Variants in MYZAP observed in about 807,000 individuals in gnomAD.
MYZAP encodes myocardial zonula adherens protein.
In MYZAP, 66 loss-of-function variants were observed where a neutral mutation model predicts 69.4. The ratio of observed to expected loss-of-function variants is 0.95; its 90% CI spans 0.78 to 1.17. MYZAP has a LOEUF of 1.17. MYZAP is among the 50% of genes most tolerant of loss of function. MYZAP has a pLI of 0.00. For missense variants in MYZAP, 611 were observed against 556.2 expected, an observed-to-expected ratio of 1.10 and a Z score of -0.99; for synonymous variants, 256 against 205.9, an observed-to-expected ratio of 1.24 and a Z score of -2.09.
intron 10 of MYZAP, chr15:57,648,042 G>T (rs1332669352): frequency 1.0e-6 from 1 of 985,080 alleles, no homozygotes; most frequent in Non-Finnish European, 1.2e-6. Context: ...CTACTCAAAA[G>T]TTTGAGGCAG....
chr15:57,633,248 C>A (rs2036613705), intron 7 of MYZAP, among the ~76,000 whole-genome samples: 1 of 152,152 alleles, frequency 6.6e-6, no homozygotes, highest in Admixed American at 6.6e-5. Context: ...TCTGGGAATT[C>A]TGCATTCAAT....
At chr15:57,640,351 A>G (rs1175611207) in intron 10 of MYZAP, among the ~76,000 whole-genome samples, 1 of 152,210 alleles carries the variant, frequency 6.6e-6, no homozygotes, top group African/African-American at 2.4e-5. Flanking sequence ...AAAATCTGAT[A>G]GAAAAAGAGC....
At chr15:57,640,854 C>G (rs1302724489) in intron 10 of MYZAP, among the ~76,000 whole-genome samples, 1 of 152,216 alleles carries the variant, frequency 6.6e-6, no homozygotes, top group Non-Finnish European at 1.5e-5. Flanking sequence ...TCTTTGCAAT[C>G]GTTTTGTGCA....
rs763928814 is a variant in MYZAP, at chr15:57,604,302, C to T, written c.109C>T (p.Pro37Ser). 1.2e-6 allele frequency: 2 copies of T among 1,614,192 alleles called. No homozygotes were observed. Among genetic ancestry groups the T allele is most frequent in the South Asian group, 2.2e-5 (2 of 91,072 alleles). Residue 37 changes from proline (P) to serine (S), a missense_variant, in exon 2 of 13, where the codon CCT becomes TCT. Transcript: ENST00000267853. ...TTGCAGACTACGGCTGACCGTACCT[C>T]CTGAGAGTCCAGTTCCTGAGCAATG... ...NVCRLRLTVP[P>S]ESPVPEQCEK... is the part of the protein sequence containing the mutation.
chr15:57,649,738 G>A (rs1438475058), intron 10 of MYZAP, among the ~76,000 whole-genome samples: 1 of 152,226 alleles, frequency 6.6e-6, no homozygotes, highest in East Asian at 1.9e-4. Context: ...TGTGTGTCTT[G>A]TTTGATGTAA....
intron 2 of MYZAP, among the ~76,000 whole-genome samples, chr15:57,606,750 A>G (rs1452571651): frequency 2.0e-5 from 3 of 152,146 alleles, no homozygotes; most frequent in Admixed American, 2.0e-4. Context: ...AAAATAAAAG[A>G]TATACTGGGA....
intron 6 of MYZAP, 47 bp from the exon 7 acceptor site, chr15:57,632,385 TCC>T: frequency 6.2e-7 from 1 of 1,611,274 alleles, no homozygotes; most frequent in Non-Finnish European, 8.5e-7. Context: ...AGCTGCCAAT[TCC>T]TCTGGGCCCT....
chr15:57,625,370 A>G (rs898480307), intron 4 of MYZAP, among the ~76,000 whole-genome samples: 7 of 152,178 alleles, frequency 4.6e-5, no homozygotes, highest in Admixed American at 4.6e-4. Flanking sequence ...TTGAGAATTG[A>G]GTGAGACCAA....
intron 11 of MYZAP, 95 bp from the exon 12 acceptor site, chr15:57,674,873 G>A: frequency 3.7e-6 from 4 of 1,067,564 alleles, no homozygotes; most frequent in Non-Finnish European, 5.4e-6. Flanking sequence ...CCCATGTCAT[G>A]GGGCAAAATC....
At position 57,621,638 on chromosome 15, in the gene MYZAP, C is replaced by T. The variant is rs748202049; in HGVS notation, c.349C>T (p.Arg117Ter). 22 of 1,613,508 alleles carry T rather than the reference C, an allele frequency of 1.4e-5. No individual in the cohort carries two copies. Among genetic ancestry groups the T allele is most frequent in the South Asian group, 2.2e-5 (2 of 91,028 alleles). ...AGCCACTTTGGAAAAGGTGAGAAAG[C>T]GAATGTATGGAGACTATGATGAGAT... ...VRATLEKVRK[R>*]MYGDYDEMRQ... The change falls in exon 4 of 13, where the codon CGA (arginine) becomes TGA (stop). Residue 117 changes from arginine to a stop codon, truncating the protein, a stop_gained. Transcript: ENST00000267853. LOFTEE classifies it high-confidence loss of function.
intron 11 of MYZAP, among the ~76,000 whole-genome samples, chr15:57,670,217 ACCAT>A (rs1453189861): frequency 6.6e-6 from 1 of 152,028 alleles, no homozygotes; most frequent in Non-Finnish European, 1.5e-5. Flanking sequence ...ATAATCCCTT[ACCAT>A]GGTTTTAGAC....
chr15:57,626,957 C>T (rs1265605092), intron 5 of MYZAP, among the ~76,000 whole-genome samples: 1 of 152,196 alleles, frequency 6.6e-6, no homozygotes, highest in African/African-American at 2.4e-5. Context: ...GGCCTCAGGC[C>T]AAGCCCCACT....
chr15:57,621,040 A>T (rs1475690855), intron 3 of MYZAP, among the ~76,000 whole-genome samples: 2 of 147,998 alleles, frequency 1.4e-5, no homozygotes, highest in South Asian at 4.2e-4. Context: ...ATATGCCTAT[A>T]TATTTTATTA....
At chr15:57,611,100 A>G (rs1212243413) in intron 2 of MYZAP, among the ~76,000 whole-genome samples, 1 of 152,220 alleles carries the variant, frequency 6.6e-6, no homozygotes, top group Non-Finnish European at 1.5e-5. Context: ...AGTATCTACT[A>G]GTATGCTATT....
intron 1 of MYZAP, among the ~76,000 whole-genome samples, chr15:57,597,114 GCAGGAAA>G (rs547260287): frequency 3.7e-4 from 56 of 152,340 alleles, no homozygotes; most frequent in Admixed American, 9.8e-4. Context: ...ACCCACCTGG[GCAGGAAA>G]CGGGTGACAA....
At chr15:57,670,180 C>A (rs2038800412) in intron 11 of MYZAP, among the ~76,000 whole-genome samples, 1 of 151,936 alleles carries the variant, frequency 6.6e-6, no homozygotes, top group Admixed American at 6.6e-5. Flanking sequence ...GTGTAATTGT[C>A]CTATCAATTG....
intron 1 of MYZAP, among the ~76,000 whole-genome samples, chr15:57,594,829 T>G (rs532129314): frequency 6.6e-6 from 1 of 152,342 alleles, no homozygotes; most frequent in East Asian, 1.9e-4. Context: ...GAAAGTAAAA[T>G]TGTAGACCAA....
chr15:57,650,079 T>A (rs188896906), intron 10 of MYZAP, among the ~76,000 whole-genome samples: 48 of 152,332 alleles, frequency 3.2e-4, no homozygotes, highest in Admixed American at 5.9e-4. Flanking sequence ...GTAGAATTTA[T>A]TTTTGTGTAT....
At chr15:57,629,088 C>CAAAAAAAAAAAAAA (rs1274144448) in intron 5 of MYZAP, among the ~76,000 whole-genome samples, 33 of 115,080 alleles carry the variant, frequency 2.9e-4, no homozygotes, top group Non-Finnish European at 4.0e-4. Context: ...GTCTCAAAAA[C>CAAAAAAAAAAAAAA]AAAAAAAAAA....
Sources: allele counts gnomAD v4.1 joint callset (sites outside exome capture counted in the v4.1 genomes callset), GRCh38; gene constraint gnomAD v4.1.1; transcripts MANE v1.5; gene names NCBI Gene and HGNC (gene_info 2026-07-23, HGNC 2026-07-21).